The following LTBP1 variants were observed in gnomAD, a reference collection of about 807,000 sequenced individuals.
LTBP1 encodes latent transforming growth factor beta binding protein 1.
Under a neutral mutation model 207.6 loss-of-function variants are expected in LTBP1, and 129 were observed. The ratio of observed to expected loss-of-function variants is 0.62; its 90% CI spans 0.54 to 0.72. The LOEUF is 0.72. Ranked by LOEUF, LTBP1 falls within the 30% of genes least tolerant of loss-of-function variation. The pLI is 0.00. For missense variants in LTBP1, 2,281 were observed against 2,217.2 expected, an observed-to-expected ratio of 1.03 and a Z score of -0.58; for synonymous variants, 963 against 833.7, an observed-to-expected ratio of 1.16 and a Z score of -2.67.
intron 2 of LTBP1, among the ~76,000 whole-genome samples, chr2:32,952,279 G>T (rs1677252768): frequency 6.6e-6 from 1 of 152,198 alleles, no homozygotes; most frequent in Admixed American, 6.5e-5. Flanking sequence ...CAAGCAAGCG[G>T]CAGACTCACA....
At chr2:33,299,476 C>T (rs1452637880) in intron 20 of LTBP1, among the ~76,000 whole-genome samples, 1 of 152,184 alleles carries the variant, frequency 6.6e-6, no homozygotes, top group Non-Finnish European at 1.5e-5. Context: ...CTTTCTCCTC[C>T]TGTGAGTATA....
At position 33,121,881 on chromosome 2, in the gene LTBP1, G is replaced by A. The variant is rs114856710; in HGVS notation, c.1033+11130G>A. Among the ~76,000 whole-genome samples the A allele has an allele frequency of 7.0e-3, 1,068 of 152,248 alleles. 17 individuals carry two copies. Among genetic ancestry groups the A allele is most frequent in the African/African-American group, 0.024 (1,017 of 41,552 alleles). ...CACTTTCGTTAGTCTTTATAGGAGAGAGAAGGTGGTGGATATAGTTTTGTT... is the reference window on the plus strand; with the variant it reads ...CACTTTCGTTAGTCTTTATAGGAGAAAGAAGGTGGTGGATATAGTTTTGTT... On this transcript the variant is annotated intron_variant, in intron 4 of 33. Transcript: ENST00000404816.
chr2:33,195,532 T>C (rs2088448118), intron 7 of LTBP1, among the ~76,000 whole-genome samples: 2 of 152,182 alleles, frequency 1.3e-5, no homozygotes, highest in Non-Finnish European at 2.9e-5. Context: ...ATCCTGAAGA[T>C]ATGACCAAAC....
intron 22 of LTBP1, among the ~76,000 whole-genome samples, chr2:33,302,124 A>G (rs947327699): frequency 2.6e-5 from 4 of 152,082 alleles, no homozygotes; most frequent in Non-Finnish European, 4.4e-5. Context: ...CACTTTCACT[A>G]CTTGTTTGGC....
intron 7 of LTBP1, among the ~76,000 whole-genome samples, chr2:33,215,712 TTTTGTTTTTTG>T (rs1476483148): frequency 2.4e-5 from 2 of 81,874 alleles, no homozygotes; most frequent in Admixed American, 1.1e-4. Context: ...ATTGGTTTTC[TTTTGTTTTTTG>T]TTTTTTTTTT....
chr2:33,252,825 A>G lies in LTBP1; in HGVS notation c.2148A>G (p.Lys716=). The G allele has an allele frequency of 6.2e-7, 1 of 1,607,604 alleles. No homozygotes were observed. The highest frequency in any genetic ancestry group is 8.5e-7 in the Non-Finnish European group (1 of 1,175,684). ...AGGCCTGGGGCCCACACTGTGAGAA[A>G]TGTCCCCTTCCAGGCACAGGTAAGA... The part of the protein sequence containing the change: ...VGKAWGPHCE[K]CPLPGTAAFK... The change falls in exon 11 of 34, where the codon AAA becomes AAG. Residue 716 remains lysine (K), a synonymous_variant. Coordinates refer to ENST00000404816, the MANE Select transcript of LTBP1 (RefSeq NM_206943.4).
intron 3 of LTBP1, among the ~76,000 whole-genome samples, chr2:33,022,266 T>C (rs2149235244): frequency 3.0e-5 from 1 of 33,662 alleles, no homozygotes; most frequent in Non-Finnish European, 6.8e-5. Flanking sequence ...CTCAATCCTC[T>C]TTTTTTTTTT....
intron 3 of LTBP1, among the ~76,000 whole-genome samples, chr2:33,037,340 T>C (rs1242664743): frequency 6.6e-6 from 1 of 152,326 alleles, no homozygotes; most frequent in African/African-American, 2.4e-5. Context: ...TCTTGGAAGG[T>C]GTAATAATCA....
intron 20 of LTBP1, among the ~76,000 whole-genome samples, chr2:33,298,857 A>G (rs1381646263): frequency 2.6e-5 from 4 of 152,226 alleles, no homozygotes; most frequent in Non-Finnish European, 5.9e-5. Flanking sequence ...TAATACTTTG[A>G]GCTATTTCAG....
chr2:33,354,683 TACACACACACACACACACACACAC>T (rs71409608), intron 26 of LTBP1, among the ~76,000 whole-genome samples: 24 of 139,766 alleles, frequency 1.7e-4, no homozygotes, highest in East Asian at 4.2e-4. Flanking sequence ...ACTAAAACTA[TACACACACACACACACACACACAC>T]ACACACACAC....
chr2:33,300,687 A>G, intron 21 of LTBP1, 114 bp downstream of exon 21: 3 of 1,088,574 alleles, frequency 2.8e-6, no homozygotes, highest in South Asian at 1.9e-5. Context: ...TAATTGCATT[A>G]TAGTGCCAGA....
chr2:32,977,056 C>T (rs936788842), intron 2 of LTBP1, among the ~76,000 whole-genome samples: 6 of 152,192 alleles, frequency 3.9e-5, no homozygotes, highest in Non-Finnish European at 5.9e-5. Flanking sequence ...CCCTGCTGTC[C>T]GGGTGTTATC....
At chr2:33,307,896 G>A (rs1349290814) in intron 22 of LTBP1, among the ~76,000 whole-genome samples, 1 of 152,140 alleles carries the variant, frequency 6.6e-6, no homozygotes, top group Non-Finnish European at 1.5e-5. Context: ...TAGTACAGAA[G>A]CCTGTTAATT....
chr2:33,039,484 C>G (rs970238634), intron 3 of LTBP1, among the ~76,000 whole-genome samples: 1 of 152,124 alleles, frequency 6.6e-6, no homozygotes, highest in African/African-American at 2.4e-5. Context: ...ATCTTTAATT[C>G]TGCTTTAGAC....
chr2:33,211,477 A>G (rs1049688243), intron 7 of LTBP1, among the ~76,000 whole-genome samples: 1 of 152,100 alleles, frequency 6.6e-6, no homozygotes, highest in African/African-American at 2.4e-5. Context: ...TAATCTCACA[A>G]TCCTTTGGGG....
At chr2:33,311,533 T>TG (rs1383828326) in intron 23 of LTBP1, among the ~76,000 whole-genome samples, 7 of 84,624 alleles carry the variant, frequency 8.3e-5, no homozygotes, top group East Asian at 6.1e-4. Context: ...TACCAAGAGA[T>TG]GGAAAAAAAA....
chr2:32,991,537 C>T (rs1268085205), intron 2 of LTBP1, among the ~76,000 whole-genome samples: 1 of 152,162 alleles, frequency 6.6e-6, no homozygotes, highest in African/African-American at 2.4e-5. Flanking sequence ...AACTCATGGA[C>T]TTCTTTGACC....
chr2:33,208,476 C>T (rs1395760246), intron 7 of LTBP1, among the ~76,000 whole-genome samples: 1 of 152,152 alleles, frequency 6.6e-6, no homozygotes, highest in Non-Finnish European at 1.5e-5. Context: ...AAAGGGCTGG[C>T]ATGACGTAGG....
intron 32 of LTBP1, among the ~76,000 whole-genome samples, chr2:33,391,661 C>T (rs1179219791): frequency 3.3e-5 from 5 of 152,144 alleles, no homozygotes; most frequent in Admixed American, 6.5e-5. Flanking sequence ...AATGGAGAAC[C>T]AAAATCCCAG....
Sources: gnomAD v4.1 joint callset for allele counts (sites outside exome capture counted in the v4.1 genomes callset) on GRCh38, gnomAD v4.1.1 for gene constraint, MANE v1.5 for transcripts, NCBI Gene and HGNC (gene_info 2026-07-23, HGNC 2026-07-21) for gene names.